The following STK39 variants were observed in gnomAD, a reference collection of about 807,000 sequenced individuals.
STK39 encodes the protein STE20/SPS1-related proline-alanine-rich protein kinase.
STK39 carries 20 observed loss-of-function variants against 77.8 expected under a neutral mutation model. The observed-to-expected ratio is 0.26, with a 90% CI of 0.18 to 0.37. The LOEUF is 0.37. Ranked by LOEUF, STK39 falls within the 10% of genes least tolerant of loss-of-function variation. The pLI, the probability that STK39 is intolerant of heterozygous loss-of-function variation, is 1.00. For missense variants in STK39, 479 were observed against 656.5 expected (o/e 0.73, Z 2.95); for synonymous variants, 246 against 234.1 (o/e 1.05, Z -0.47).
At chr2:167,960,508 A>G (rs959086426) in intron 17 of STK39, among the ~76,000 whole-genome samples, 3 of 152,140 alleles carry the variant, frequency 2.0e-5, no homozygotes, top group Non-Finnish European at 4.4e-5. Context: ...GAAGGCAGAG[A>G]TAACAGTTTG....
chr2:167,968,484 T>C (rs2105246686), intron 16 of STK39, among the ~76,000 whole-genome samples: 1 of 152,390 alleles, frequency 6.6e-6, no homozygotes, highest in East Asian at 1.9e-4. Context: ...AACAACCCCA[T>C]GTTCTGGTAA....
At chr2:168,065,998 G>A (rs1257129464) in intron 12 of STK39, among the ~76,000 whole-genome samples, 1 of 151,770 alleles carries the variant, frequency 6.6e-6, no homozygotes, top group Non-Finnish European at 1.5e-5. Flanking sequence ...CTCTGCCCTG[G>A]AGCAAAACTT....
At chr2:167,983,438 G>A (rs1488613799) in intron 16 of STK39, among the ~76,000 whole-genome samples, 2 of 121,616 alleles carry the variant, frequency 1.6e-5, no homozygotes, top group Admixed American at 2.0e-4. Flanking sequence ...TGCGCAACAA[G>A]AGTGAAACTC....
At chr2:168,146,059 C>A (rs1015765602) in intron 5 of STK39, among the ~76,000 whole-genome samples, 6 of 152,214 alleles carry the variant, frequency 3.9e-5, no homozygotes, top group African/African-American at 1.4e-4. Context: ...GTAGACTATA[C>A]CCTAGCCAGT....
At chr2:168,136,197 T>A (rs1205823934) in intron 8 of STK39, among the ~76,000 whole-genome samples, 1 of 151,444 alleles carries the variant, frequency 6.6e-6, no homozygotes, top group Non-Finnish European at 1.5e-5. Flanking sequence ...TGAAACCCCG[T>A]CTCTACTAAA....
intron 1 of STK39, among the ~76,000 whole-genome samples, chr2:168,226,187 G>A (rs10930313): frequency 0.21 from 31,488 of 152,124 alleles, 4,002 homozygotes; most frequent in Non-Finnish European, 0.29. Context: ...GTTACACTAA[G>A]GTTAGAGGAT....
Position 168,163,834 on chromosome 2 carries a change from G to T in STK39, c.477C>A (p.His159Gln), listed in dbSNP as rs202246318. Residue 159 changes from histidine to glutamine, a missense_variant, in exon 4 of 18, where the codon CAC becomes CAA. This residue lies in a region of STK39 where 139 missense variants were observed against 280.6 expected (regional missense o/e 0.50). Transcript: ENST00000355999. Reference protein sequence around the residue: ...IIKYIVNRGEHKNGVLEEAII... With the variant: ...IIKYIVNRGEQKNGVLEEAII... Reference sequence around the variant, plus strand: ...TTGCCTCTTCCAGAACTCCATTCTTGTGTTCTCCTCGGTTGACAATGTATT... The same window carrying T: ...TTGCCTCTTCCAGAACTCCATTCTTTTGTTCTCCTCGGTTGACAATGTATT... The T allele has an allele frequency of 1.3e-5, 21 of 1,613,844 alleles. No individual in the cohort carries two copies. Among genetic ancestry groups the T allele is most frequent in the Non-Finnish European group, 1.8e-5 (21 of 1,179,936 alleles).
Position 168,195,182 on chromosome 2 carries a change from C to A in STK39, c.209-13092G>T, listed in dbSNP as rs188578462. Among the ~76,000 whole-genome samples the A allele has an allele frequency of 4.7e-4, 71 of 152,298 alleles. 1 individual carries two copies. The highest frequency in any genetic ancestry group is 1.5e-3 in the African/African-American group (63 of 41,556). On this transcript the variant is annotated intron_variant, in intron 1 of 17. Transcript: ENST00000355999. ...GTAACTAACGTTTCTACCTTGAACTCTAAGCTCTCAGAAGACATAACCTGG... is the reference window on the plus strand; with the variant it reads ...GTAACTAACGTTTCTACCTTGAACTATAAGCTCTCAGAAGACATAACCTGG...
intron 1 of STK39, among the ~76,000 whole-genome samples, chr2:168,213,689 T>TAAA (rs10706908): frequency 1.6e-5 from 2 of 124,214 alleles, no homozygotes; most frequent in Admixed American, 8.3e-5. Flanking sequence ...CAGCCATATT[T>TAAA]AAAAAAAAAA....
chr2:168,234,807 C>G (rs541869305), intron 1 of STK39, among the ~76,000 whole-genome samples: 1 of 146,200 alleles, frequency 6.8e-6, no homozygotes, highest in East Asian at 1.9e-4. Flanking sequence ...AAGATTTTTA[C>G]TGATTCCTAC....
At chr2:168,011,617 T>C (rs1298673962) in intron 16 of STK39, among the ~76,000 whole-genome samples, 2 of 152,192 alleles carry the variant, frequency 1.3e-5, no homozygotes, top group African/African-American at 2.4e-5. Context: ...CAGATGGCTA[T>C]GTCTGCCTCT....
intron 12 of STK39, among the ~76,000 whole-genome samples, chr2:168,067,674 A>G (rs1453880582): frequency 6.6e-6 from 1 of 152,208 alleles, no homozygotes; most frequent in African/African-American, 2.4e-5. Flanking sequence ...TCACCACTAC[A>G]GATCCATTCT....
chr2:168,008,103 G>C (rs565893346), intron 16 of STK39, among the ~76,000 whole-genome samples: 1 of 152,202 alleles, frequency 6.6e-6, no homozygotes, highest in African/African-American at 2.4e-5. Flanking sequence ...CCATGGATTT[G>C]CCTACTCTGG....
chr2:168,018,160 A>T (rs946265621), intron 14 of STK39, among the ~76,000 whole-genome samples: 7 of 152,312 alleles, frequency 4.6e-5, no homozygotes, highest in Admixed American at 3.9e-4. Flanking sequence ...AAATATTATA[A>T]GTATCAACAG....
chr2:168,112,719 T>C (rs924235382), intron 10 of STK39, among the ~76,000 whole-genome samples: 1 of 152,218 alleles, frequency 6.6e-6, no homozygotes, highest in African/African-American at 2.4e-5. Context: ...AGAATTTTAA[T>C]ACCAGCGGTT....
chr2:168,052,882 G>A (rs757792482), intron 14 of STK39, among the ~76,000 whole-genome samples: 1 of 152,170 alleles, frequency 6.6e-6, no homozygotes, highest in East Asian at 1.9e-4. Context: ...CAGGGACCTC[G>A]TTAAAACCCT....
At chr2:168,015,463 G>A (rs979115086) in intron 15 of STK39, among the ~76,000 whole-genome samples, 1 of 152,182 alleles carries the variant, frequency 6.6e-6, no homozygotes, top group African/African-American at 2.4e-5. Context: ...CCCAGTGAAG[G>A]CCGGCTGTCA....
chr2:167,967,165 C>G (rs1430238819), intron 16 of STK39, among the ~76,000 whole-genome samples: 1 of 152,160 alleles, frequency 6.6e-6, no homozygotes, highest in African/African-American at 2.4e-5. Context: ...ACTTCTGAAC[C>G]CTGCTTGCTC....
intron 16 of STK39, among the ~76,000 whole-genome samples, chr2:167,990,411 T>C (rs754591185): frequency 1.3e-5 from 2 of 152,218 alleles, no homozygotes; most frequent in Non-Finnish European, 2.9e-5. Flanking sequence ...AATTCTTCGT[T>C]TAGCAGAAGG....
Sources: allele counts gnomAD v4.1 joint callset (sites outside exome capture counted in the v4.1 genomes callset), GRCh38; gene constraint gnomAD v4.1.1; regional missense constraint gnomAD v4.1.1; transcripts MANE v1.5; gene names NCBI Gene and HGNC (gene_info 2026-07-23, HGNC 2026-07-21).